The following POLD1 variants were observed in gnomAD, a reference collection of about 807,000 sequenced individuals.
The protein encoded by POLD1 is DNA polymerase delta 1, catalytic subunit, also known as DNA polymerase delta catalytic subunit.
A neutral mutation model predicts 129.7 loss-of-function variants in POLD1; 79 were observed. That is an observed-to-expected ratio of 0.61 (90% confidence interval 0.51 to 0.73). POLD1 has a LOEUF of 0.73. Ranked by LOEUF, POLD1 falls within the 30% of genes least tolerant of loss-of-function variation. The probability of loss-of-function intolerance (pLI) is 0.00; values close to 1 mark genes in which losing one functional copy is unlikely to be tolerated. For synonymous variants in POLD1, 714 were observed against 683.3 expected (o/e 1.04, Z -0.70); for missense variants, 1,338 against 1,595.8 (o/e 0.84, Z 2.75).
chr19:50,401,632 CA>C, intron 3 of POLD1, 145 bp from the exon 4 acceptor site: 3 of 834,952 alleles, frequency 3.6e-6, no homozygotes, highest in Non-Finnish European at 5.8e-6. Context: ...AGATGGGAAC[CA>C]GGGGGGAGGC....
rs1182027740 is a variant in POLD1, at chr19:50,409,367, T to TC, written c.2006+136dup. The TC allele has an allele frequency of 6.3e-6, 8 of 1,264,122 alleles. No individual in the cohort carries two copies. The highest frequency in any genetic ancestry group is 9.0e-6 in the Non-Finnish European group (8 of 885,512). 78.3% of individuals were successfully genotyped at this position (1,264,122 alleles called of 1,614,324 possible). ...GCTGTGCGTGAATTAGCACAAGGCATCCCCTCCTGGCAGCTTCCTTTTGCC... is the reference window on the plus strand; with the variant it reads ...GCTGTGCGTGAATTAGCACAAGGCATCCCCCTCCTGGCAGCTTCCTTTTGCC... On this transcript the variant is annotated intron_variant, in intron 16 of 26. Coordinates refer to ENST00000440232, the MANE Select transcript of POLD1 (RefSeq NM_002691.4). The surrounding 1 kb of genome is among the most constrained non-coding windows in gnomAD (Gnocchi z 5.8).
intron 1 of POLD1, among the ~76,000 whole-genome samples, chr19:50,391,483 GT>G (rs2038167425): frequency 6.6e-6 from 1 of 152,196 alleles, no homozygotes; most frequent in Admixed American, 6.5e-5. Flanking sequence ...ATCACTCGCG[GT>G]CAGGAGCTGG....
chr19:50,389,573 T>C (rs2038081970), intron 1 of POLD1, among the ~76,000 whole-genome samples: 2 of 151,764 alleles, frequency 1.3e-5, no homozygotes, highest in South Asian at 4.1e-4. Context: ...TCTTCAAGGC[T>C]ATAAATAATT....
chr19:50,403,642 G>T lies in POLD1; in HGVS notation c.1242+45G>T, dbSNP rs937618817. 8.0e-6 allele frequency: 10 copies of T among 1,247,264 alleles called. No homozygotes were observed. In the African/African-American group the frequency reaches 1.5e-4, roughly 18 times the overall value. The allele number at this position is 1,247,264 out of a possible 1,614,324, so 77.3% of individuals were successfully genotyped here. ...GAGGCTTCTCTCAGATGCCCCAGGT[G>T]TGGCCTCCGGGCCCTGGGCCTCCTT... On this transcript the variant is annotated intron_variant, in intron 10 of 26. Transcript: ENST00000440232.
At position 50,415,525 on chromosome 19, in the gene POLD1, C is replaced by T. The variant is rs1601243241; in HGVS notation, c.2652C>T (p.Thr884=). Residue 884 remains threonine (T), a synonymous_variant, in exon 21 of 27, where the codon ACC becomes ACT. Transcript: ENST00000440232. ...TCGATATCTCCCAGCTGGTCATCAC[C>T]AAGGAGCTGACCCGCGCGGCCTCCG... is the stretch of plus-strand genomic sequence containing the variant. ...NRIDISQLVI[T]KELTRAASDY... is the part of the protein sequence containing the mutation. 3.1e-6 allele frequency: 5 copies of T among 1,613,268 alleles called. No individual in the cohort carries two copies. The highest frequency in any genetic ancestry group is 4.2e-6 in the Non-Finnish European group (5 of 1,179,938).
rs975951740 is a variant in POLD1 at position 50,399,044 on chromosome 19, G to C, written c.193G>C (p.Val65Leu). ...GGAGCTGCAGTCAGTCCTGGAGGGG[G>C]TTGCAGACGGTAAGGCTTGGAGTTG... The part of the protein sequence containing the change: ...EEELQSVLEG[V>L]ADGQVPPSAI... The change falls in exon 2 of 27, where the codon GTT becomes CTT. Residue 65 changes from valine (V) to leucine (L), a missense_variant. This residue lies in a region of POLD1 where 332 missense variants were observed against 315.7 expected (regional missense o/e 1.05). Coordinates refer to ENST00000440232, the MANE Select transcript of POLD1 (RefSeq NM_002691.4). 1.5e-5 allele frequency: 24 copies of C among 1,553,218 alleles called. No homozygotes were observed. The highest frequency in any genetic ancestry group is 2.7e-5 in the African/African-American group (2 of 73,380).
Position 50,416,516 on chromosome 19 carries a change from G to T in POLD1, c.2941G>T (p.Ala981Ser), listed in dbSNP as rs878854546. 2 of 1,553,000 alleles carry T rather than the reference G, an allele frequency of 1.3e-6. No homozygotes were observed. The highest frequency in any genetic ancestry group is 1.7e-6 in the Non-Finnish European group (2 of 1,149,966). The change falls in exon 23 of 27, where the codon GCT becomes TCT. Residue 981 changes from alanine to serine, a missense_variant. Transcript: ENST00000440232. ...EPILGEGRAE[A>S]VLLRGDHTRC... ...CATCCTGGGCGAGGGCCGTGCCGAG[G>T]CTGTGCTACTGCGTACGGGGGCACC...
Position 50,414,972 on chromosome 19 carries a change from G to A in POLD1, c.2546G>A (p.Arg849His), listed in dbSNP as rs3218775. 11,678 of 1,590,186 alleles carry A rather than the reference G, an allele frequency of 7.3e-3. 75 individuals are homozygous for A. The highest frequency in any genetic ancestry group is 0.019 in the Middle Eastern group (117 of 6,000). The change falls in exon 20 of 27, where the codon CGC (arginine) becomes CAC (histidine). Residue 849 changes from arginine (R) to histidine (H), a missense_variant. This residue lies in a region of POLD1 where 720 missense variants were observed against 1,002.6 expected (regional missense o/e 0.72). Transcript: ENST00000440232. ...GCCAACCTGGTCACTGCCTCACTGCGCCGCCTGCTCATCGACCGGTGTGTG... is the reference window on the plus strand; with the variant it reads ...GCCAACCTGGTCACTGCCTCACTGCACCGCCTGCTCATCGACCGGTGTGTG... ...LVANLVTASLRRLLIDRDPEG... is the reference protein window; with the variant it reads ...LVANLVTASLHRLLIDRDPEG...
chr19:50,409,749 T>A lies in POLD1; in HGVS notation c.2154+83T>A, dbSNP rs530817446. On this transcript the variant is annotated intron_variant, in intron 17 of 26. Transcript: ENST00000440232. This position sits in a 1 kb window ranked among gnomAD's most constrained non-coding sequence, Gnocchi z 5.8. ...ACCAGGGCTCCATGTGGGGGACCTG[T>A]ATCCAGAGGACTGGGCACCCCAACT... 1 of 1,437,458 alleles carries A rather than the reference T, an allele frequency of 7.0e-7. No individual in the cohort carries two copies. The highest frequency in any genetic ancestry group is 1.4e-5 in the African/African-American group (1 of 70,232). The allele number at this position is 1,437,458 out of a possible 1,614,324, so 89.0% of individuals were successfully genotyped here. A position where few individuals can be genotyped will look rare whatever the true frequency, so the allele number is the denominator to read the frequency against.
chr19:50,402,566 G>T (rs1457768758), intron 7 of POLD1, 31 bp downstream of exon 7: 3 of 1,577,048 alleles, frequency 1.9e-6, no homozygotes, highest in Non-Finnish European at 1.7e-6. Flanking sequence ...GGGCTGGGTG[G>T]GGAGCTGGTA....
intron 1 of POLD1, among the ~76,000 whole-genome samples, chr19:50,385,729 G>C (rs1443323806): frequency 6.6e-6 from 1 of 151,778 alleles, no homozygotes; most frequent in East Asian, 1.9e-4. Context: ...GGGTTTCGCC[G>C]TGTTGGCCAG....
At chr19:50,398,162 A>G (rs1416945754) in intron 1 of POLD1, among the ~76,000 whole-genome samples, 1 of 152,138 alleles carries the variant, frequency 6.6e-6, no homozygotes, top group Non-Finnish European at 1.5e-5. Flanking sequence ...ATTATTTCAA[A>G]GTATTTAGGT....
rs778546751 is a variant in POLD1 at position 50,414,979 on chromosome 19, G to A, written c.2553G>A (p.Leu851=). 1.3e-6 allele frequency: 2 copies of A among 1,584,558 alleles called. No individual in the cohort carries two copies. Among genetic ancestry groups the A allele is most frequent in the African/African-American group, 1.3e-5 (1 of 74,174 alleles). ...TGGTCACTGCCTCACTGCGCCGCCTGCTCATCGACCGGTGTGTGGGGCCTC... is the reference window on the plus strand; with the variant it reads ...TGGTCACTGCCTCACTGCGCCGCCTACTCATCGACCGGTGTGTGGGGCCTC... ...ANLVTASLRR[L]LIDRDPEGAV... The change falls in exon 20 of 27, where the codon CTG becomes CTA. Residue 851 remains leucine, a synonymous_variant. Transcript: ENST00000440232.
chr19:50,390,208 C>G (rs6509475), intron 1 of POLD1, among the ~76,000 whole-genome samples: 1 of 151,372 alleles, frequency 6.6e-6, no homozygotes, highest in Non-Finnish European at 1.5e-5. Context: ...TGCGCCTGGC[C>G]AATAATTTCT....
chr19:50,387,716 G>T (rs1020869835), intron 1 of POLD1: 4 of 152,526 alleles, frequency 2.6e-5, no homozygotes, highest in Non-Finnish European at 5.9e-5. Context: ...TCCCACCCGG[G>T]TCTCTCCTCG....
chr19:50,415,187 C>T (rs894893804), intron 20 of POLD1, among the ~76,000 whole-genome samples, 197 bp downstream of exon 20: 2 of 152,202 alleles, frequency 1.3e-5, no homozygotes, highest in African/African-American at 4.8e-5. Flanking sequence ...CCCCCAGCCC[C>T]TCCTCCTCTG....
intron 26 of POLD1, 67 bp downstream of exon 26, chr19:50,417,336 AC>A: frequency 8.9e-7 from 1 of 1,121,958 alleles, no homozygotes; most frequent in Non-Finnish European, 1.3e-6. Context: ...TGGGTTGTGG[AC>A]CCAACCTCTG....
Position 50,409,253 on chromosome 19 carries a change from C to T in POLD1, c.2006+18C>T, listed in dbSNP as rs1193933111. On this transcript the variant is annotated intron_variant, in intron 16 of 26. Coordinates refer to ENST00000440232, the MANE Select transcript of POLD1 (RefSeq NM_002691.4). The surrounding 1 kb of genome is among the most constrained non-coding windows in gnomAD (Gnocchi z 5.8). Reference sequence around the variant, plus strand: ...CGGAAGAGGTGAGCCCTGGAGATCGCCTGCTTGGAGCTCAGACCTGTTGGG... The same window carrying T: ...CGGAAGAGGTGAGCCCTGGAGATCGTCTGCTTGGAGCTCAGACCTGTTGGG... 1 of 1,548,942 alleles carries T rather than the reference C, an allele frequency of 6.5e-7. No individual in the cohort carries two copies. Among genetic ancestry groups the T allele is most frequent in the Admixed American group, 1.7e-5 (1 of 59,710 alleles).
intron 1 of POLD1, among the ~76,000 whole-genome samples, chr19:50,391,735 A>C (rs1601170397): frequency 1.4e-5 from 2 of 145,646 alleles, no homozygotes. Flanking sequence ...TTTTTTTCCC[A>C]CTCCCCCGCT....
Sources: allele counts gnomAD v4.1 joint callset (sites outside exome capture counted in the v4.1 genomes callset), GRCh38; gene constraint gnomAD v4.1.1; regional missense constraint gnomAD v4.1.1; non-coding constraint Gnocchi (gnomAD v3.1); transcripts MANE v1.5; gene names NCBI Gene and HGNC (gene_info 2026-07-23, HGNC 2026-07-21).